NRXN1: variants seen among roughly 807,000 people sequenced by gnomAD.
NRXN1 encodes the protein neurexin-1.
Under a neutral mutation model 150.9 loss-of-function variants are expected in NRXN1, and 39 were observed. That is an observed-to-expected ratio of 0.26 (90% CI 0.20 to 0.34). The LOEUF is 0.34. Among genes scored for constraint, NRXN1 ranks in the 10% least tolerant of loss-of-function variants. NRXN1 has a pLI of 1.00. For synonymous variants in NRXN1, 924 were observed against 757.0 expected, an observed-to-expected ratio of 1.22 and a Z score of -3.62; for missense variants, 1,815 against 1,949.9, an observed-to-expected ratio of 0.93 and a Z score of 1.30.
chr2:50,717,446 A>G (rs1244982871), intron 5 of NRXN1, among the ~76,000 whole-genome samples: 1 of 152,160 alleles, frequency 6.6e-6, no homozygotes, highest in South Asian at 2.1e-4. Context: ...AATGGCCATA[A>G]TGTAGCTAAC....
At position 50,347,141 on chromosome 2, in the gene NRXN1, C is replaced by A. The variant is rs1014058021; in HGVS notation, c.3365-110171G>T. ...CTGGAGTCCGCCGTGCCTAGCACCC[C>A]AAACAATCCGAAACATAGCCGAGGC... On this transcript the variant is annotated intron_variant, in intron 17 of 22. Coordinates refer to ENST00000401669, the MANE Select transcript of NRXN1 (RefSeq NM_001330078.2). This position sits in a 1 kb window ranked among gnomAD's most constrained non-coding sequence, Gnocchi z 4.9. 1 of 1,382,280 alleles carries A rather than the reference C, an allele frequency of 7.2e-7. No individual in the cohort carries two copies. The highest frequency in any genetic ancestry group is 9.5e-7 in the Non-Finnish European group (1 of 1,050,158). The allele number at this position is 1,382,280 out of a possible 1,614,324, so 85.6% of individuals were successfully genotyped here. A position where few individuals can be genotyped will look rare whatever the true frequency, so the allele number is the denominator to read the frequency against.
chr2:50,218,583 C>G (rs2063565811), intron 18 of NRXN1, among the ~76,000 whole-genome samples: 1 of 151,428 alleles, frequency 6.6e-6, no homozygotes, highest in African/African-American at 2.4e-5. Context: ...CCACCACATA[C>G]CCACGGTTTT....
At chr2:50,352,442 G>A (rs982944213) in intron 17 of NRXN1, among the ~76,000 whole-genome samples, 6 of 152,132 alleles carry the variant, frequency 3.9e-5, no homozygotes, top group South Asian at 2.1e-4. Flanking sequence ...TAGAAAAGTA[G>A]ACACTAAAAT....
intron 13 of NRXN1, among the ~76,000 whole-genome samples, chr2:50,503,314 AC>A (rs1333614114): frequency 1.9e-4 from 29 of 151,252 alleles, no homozygotes; most frequent in African/African-American, 5.9e-4. Flanking sequence ...TCTCAAAAAA[AC>A]AAAAAAAAAA....
intron 8 of NRXN1, among the ~76,000 whole-genome samples, chr2:50,598,917 T>G (rs1359800957): frequency 6.6e-6 from 1 of 151,430 alleles, no homozygotes; most frequent in East Asian, 1.9e-4. Context: ...GCCACCACAC[T>G]TGGCTAATTT....
At chr2:50,772,582 T>C (rs1242077580) in intron 5 of NRXN1, among the ~76,000 whole-genome samples, 1 of 152,078 alleles carries the variant, frequency 6.6e-6, no homozygotes, top group South Asian at 2.1e-4. Context: ...GCCACTTATA[T>C]AAATGCTTGT....
chr2:50,602,230 T>C (rs1424337123), intron 8 of NRXN1, among the ~76,000 whole-genome samples: 1 of 152,128 alleles, frequency 6.6e-6, no homozygotes, highest in African/African-American at 2.4e-5. Flanking sequence ...ACATGTACTA[T>C]ATTCTGTATG....
intron 18 of NRXN1, among the ~76,000 whole-genome samples, chr2:50,230,592 G>T (rs574629512): frequency 6.6e-6 from 1 of 151,994 alleles, no homozygotes; most frequent in Non-Finnish European, 1.5e-5. Flanking sequence ...GCCTCTAAGT[G>T]GTAAGTATGT....
At chr2:50,792,847 ATAAAT>A (rs1261413396) in intron 5 of NRXN1, among the ~76,000 whole-genome samples, 1 of 152,078 alleles carries the variant, frequency 6.6e-6, no homozygotes, top group Non-Finnish European at 1.5e-5. Flanking sequence ...TTAAATAAGA[ATAAAT>A]TAAAACATAG....
chr2:50,530,799 C>G (rs147667689), intron 11 of NRXN1, among the ~76,000 whole-genome samples: 83 of 152,266 alleles, frequency 5.5e-4, no homozygotes, highest in African/African-American at 1.9e-3. Flanking sequence ...AGCTCTTGAT[C>G]TAGATAACAA....
At chr2:50,128,945 T>C (rs1705035951) in intron 18 of NRXN1, among the ~76,000 whole-genome samples, 1 of 151,662 alleles carries the variant, frequency 6.6e-6, no homozygotes. Flanking sequence ...ATCACACCAC[T>C]GCACTCCATC....
chr2:50,741,511 T>C (rs1156416151), intron 5 of NRXN1, among the ~76,000 whole-genome samples: 3 of 152,188 alleles, frequency 2.0e-5, no homozygotes, highest in South Asian at 2.1e-4. Context: ...TTATTTGACA[T>C]TTTATCTTTT....
At chr2:50,674,340 A>G (rs180970832) in intron 5 of NRXN1, among the ~76,000 whole-genome samples, 1 of 152,284 alleles carries the variant, frequency 6.6e-6, no homozygotes, top group Admixed American at 6.5e-5. Flanking sequence ...CATCAGAAGC[A>G]TGGAACAGAA....
At chr2:49,961,704 T>A (rs916897969) in intron 21 of NRXN1, among the ~76,000 whole-genome samples, 1 of 152,084 alleles carries the variant, frequency 6.6e-6, no homozygotes, top group Admixed American at 6.6e-5. Flanking sequence ...GTGTTGCTGA[T>A]ACAGTAGAAA....
At chr2:50,333,656 C>G (rs530120834) in intron 17 of NRXN1, among the ~76,000 whole-genome samples, 1 of 151,888 alleles carries the variant, frequency 6.6e-6, no homozygotes, top group African/African-American at 2.4e-5. Flanking sequence ...GAACACAAGG[C>G]AGGCATGTTA....
At chr2:50,186,253 G>C (rs1026650736) in intron 18 of NRXN1, among the ~76,000 whole-genome samples, 1 of 151,924 alleles carries the variant, frequency 6.6e-6, no homozygotes, top group African/African-American at 2.4e-5. Context: ...ACTAACAAGG[G>C]AATCTTTACT....
intron 18 of NRXN1, among the ~76,000 whole-genome samples, chr2:50,136,654 A>G (rs959666033): frequency 8.5e-5 from 13 of 152,220 alleles, no homozygotes; most frequent in Non-Finnish European, 1.9e-4. Context: ...TTTAAGGCAA[A>G]AAGAAAAAAA....
At chr2:50,521,259 G>A (rs1428530700) in intron 12 of NRXN1, among the ~76,000 whole-genome samples, 1 of 152,052 alleles carries the variant, frequency 6.6e-6, no homozygotes, top group East Asian at 1.9e-4. Flanking sequence ...GTAGAAAAAG[G>A]CAATTGTCTT....
intron 17 of NRXN1, among the ~76,000 whole-genome samples, chr2:50,240,519 T>A (rs1049852210): frequency 2.0e-5 from 3 of 151,712 alleles, no homozygotes; most frequent in Non-Finnish European, 3.0e-5. Flanking sequence ...ACTCTCATAA[T>A]CAAATATAGT....
Sources: gnomAD v4.1 joint callset for allele counts (sites outside exome capture counted in the v4.1 genomes callset) on GRCh38, gnomAD v4.1.1 for gene constraint, Gnocchi (gnomAD v3.1) non-coding constraint, MANE v1.5 for transcripts, NCBI Gene and HGNC (gene_info 2026-07-23, HGNC 2026-07-21) for gene names.